Variants in CACNA1G observed in about 807,000 individuals in gnomAD.
CACNA1G encodes calcium voltage-gated channel subunit alpha1 G.
A neutral mutation model predicts 219.4 loss-of-function variants in CACNA1G; 67 were observed. That is an observed-to-expected ratio of 0.31 (90% CI 0.25 to 0.37). The LOEUF is 0.37. CACNA1G is among the 10% of genes least tolerant of loss of function. The probability of loss-of-function intolerance (pLI) is 1.00; values close to 1 mark genes in which losing one functional copy is unlikely to be tolerated. For missense variants in CACNA1G, 2,380 were observed against 3,231.4 expected, an observed-to-expected ratio of 0.74 and a Z score of 6.39; for synonymous variants, 1,296 against 1,345.3, an observed-to-expected ratio of 0.96 and a Z score of 0.80.
rs573258800 is a variant in CACNA1G, at chr17:50,621,177, C to T, written c.5926-483C>T. On this transcript the variant is annotated intron_variant, in intron 34 of 37. Transcript: ENST00000359106. The surrounding 1 kb of genome is among the most constrained non-coding windows in gnomAD (Gnocchi z 4.6). ...GCCGAGAGAATAGGCAGAAAACAGC[C>T]GTCAGATTGGTGGCATTGTCGCCGG... Among the ~76,000 whole-genome samples the T allele has an allele frequency of 5.0e-4, 76 of 152,158 alleles. No homozygotes were observed. Among genetic ancestry groups the T allele is most frequent in the Non-Finnish European group, 8.5e-4 (58 of 68,010 alleles).
rs1020785352 is a variant in CACNA1G, at chr17:50,596,496, G to T, written c.2980-66G>T. On this transcript the variant is annotated intron_variant, in intron 14 of 37. Transcript: ENST00000359106. The surrounding 1 kb of genome is among the most constrained non-coding windows in gnomAD (Gnocchi z 4.8). ...GGTGTGCGTGTGTGAAGAGAGGGAG[G>T]CCCGGTCCATCCCAACCACCCAAGC... 8 of 1,299,126 alleles carry T rather than the reference G, an allele frequency of 6.2e-6. No individual in the cohort carries two copies. The South Asian group carries it at 8.4e-5, about 14-fold the overall frequency. The allele number at this position is 1,299,126 out of a possible 1,614,324, so 80.5% of individuals were successfully genotyped here.
At chr17:50,615,332 T>G (rs748753829) in intron 26 of CACNA1G, 29 bp from the exon 27 acceptor site, 6 of 1,549,972 alleles carry the variant, frequency 3.9e-6, no homozygotes, top group Non-Finnish European at 5.3e-6. Context: ...GGCCTGACGC[T>G]TGCTCTGCTC....
intron 13 of CACNA1G, 146 bp from the exon 14 acceptor site, chr17:50,594,847 G>GC (rs368309587): frequency 4.0e-5 from 25 of 622,400 alleles, no homozygotes; most frequent in Admixed American, 1.2e-4. Flanking sequence ...TCCCCTCTCT[G>GC]CCCCCCCATT....
In CACNA1G at chr17:50,572,865, C is replaced by A; in HGVS notation, c.1047+11C>A. 1 of 1,609,262 alleles carries A rather than the reference C, an allele frequency of 6.2e-7. No individual in the cohort carries two copies. On this transcript the variant is annotated intron_variant, in intron 6 of 37. Transcript: ENST00000359106. ...ATCGCCATCTTCCAGGTGGGGCAGC[C>A]TGGGCCCCGGGAGCTTCCCCAGAAC...
In CACNA1G at chr17:50,618,011, C is replaced by G; in HGVS notation, c.5227-37C>G. ...GCTCAGAGAAGCTGACTGGGAGACCCAGCGGCATCGTTTCTATTTCTTCTC... is the reference window on the plus strand; with the variant it reads ...GCTCAGAGAAGCTGACTGGGAGACCGAGCGGCATCGTTTCTATTTCTTCTC... On this transcript the variant is annotated intron_variant, in intron 30 of 37. Coordinates refer to ENST00000359106, the MANE Select transcript of CACNA1G (RefSeq NM_018896.5). The surrounding 1 kb of genome is among the most constrained non-coding windows in gnomAD (Gnocchi z 5.3). 1 of 1,612,776 alleles carries G rather than the reference C, an allele frequency of 6.2e-7. No homozygotes were observed. The highest frequency in any genetic ancestry group is 8.5e-7 in the Non-Finnish European group (1 of 1,178,910).
chr17:50,572,564 G>A lies in CACNA1G; in HGVS notation c.757G>A (p.Val253Met), dbSNP rs753325385. Reference sequence around the variant, plus strand: ...CTTCCCATCCTGCAGCCCCCTGAGCGTGGACCTGGAGCGCTATTACCAGAC... The same window carrying A: ...CTTCCCATCCTGCAGCCCCCTGAGCATGGACCTGGAGCGCTATTACCAGAC... Reference protein sequence around the residue: ...LPENFSLPLSVDLERYYQTEN... With the variant: ...LPENFSLPLSMDLERYYQTEN... The change falls in exon 6 of 38, where the codon GTG becomes ATG. Residue 253 changes from valine to methionine, a missense_variant. By Grantham distance (21) the Val-to-Met change is conservative. Coordinates refer to ENST00000359106, the MANE Select transcript of CACNA1G (RefSeq NM_018896.5). 1.4e-5 allele frequency: 21 copies of A among 1,546,968 alleles called. No homozygotes were observed. The highest frequency in any genetic ancestry group is 1.9e-5 in the Admixed American group (1 of 53,076).
intron 35 of CACNA1G, 113 bp from the exon 36 acceptor site, chr17:50,623,794 C>T (rs1401698412): frequency 1.7e-5 from 19 of 1,129,984 alleles, no homozygotes; most frequent in African/African-American, 4.6e-5. Context: ...TGGGAGGGCA[C>T]GGGGGTGAGG....
chr17:50,615,404 G>T lies in CACNA1G; in HGVS notation c.4803G>T (p.Arg1601=). ...ACTACTCCGACTACTCCCGCTTCCGGCTCCTCGTCCACCACTTGTGCACCA... is the reference window on the plus strand; with the variant it reads ...ACTACTCCGACTACTCCCGCTTCCGTCTCCTCGTCCACCACTTGTGCACCA... The part of the protein sequence containing the change: ...KPYYSDYSRF[R]LLVHHLCTSH... Residue 1601 remains arginine (R), a synonymous_variant, in exon 27 of 38, where the codon CGG becomes CGT. Coordinates refer to ENST00000359106, the MANE Select transcript of CACNA1G (RefSeq NM_018896.5). 1 of 1,612,362 alleles carries T rather than the reference G, an allele frequency of 6.2e-7. No homozygotes were observed. The highest frequency in any genetic ancestry group is 8.5e-7 in the Non-Finnish European group (1 of 1,178,746).
chr17:50,606,761 C>T (rs1229626577), intron 23 of CACNA1G, 139 bp from the exon 24 acceptor site: 2 of 678,804 alleles, frequency 2.9e-6, no homozygotes, highest in African/African-American at 1.8e-5. Flanking sequence ...TCTCCTGGAG[C>T]CTGGAGTGTG....
chr17:50,569,883 T>G, intron 4 of CACNA1G, 80 bp downstream of exon 4: 1 of 1,094,388 alleles, frequency 9.1e-7, no homozygotes, highest in Non-Finnish European at 1.3e-6. Context: ...CCTCTACTAC[T>G]GTGTCCTCAC....
At chr17:50,570,871 G>C (rs936944325) in intron 4 of CACNA1G, among the ~76,000 whole-genome samples, 1 of 152,218 alleles carries the variant, frequency 6.6e-6, no homozygotes, top group South Asian at 2.1e-4. Context: ...TGGCAGGGGC[G>C]AGGCTGGGCG....
At position 50,578,534 on chromosome 17, in the gene CACNA1G, A is replaced by G; in HGVS notation, c.2271A>G (p.Thr757=). The change falls in exon 9 of 38, where the codon ACA becomes ACG. Residue 757 remains threonine, a synonymous_variant. Coordinates refer to ENST00000359106, the MANE Select transcript of CACNA1G (RefSeq NM_018896.5). The surrounding 1 kb of genome is among the most constrained non-coding windows in gnomAD (Gnocchi z 4.5). ...RGIMIAILVN[T]LSMGIEYHEQ... is the part of the protein sequence containing the mutation. ...TCATGATCGCCATCCTGGTCAACAC[A>G]CTCAGCATGGGCATCGAATACCACG... 1.3e-6 allele frequency: 2 copies of G among 1,570,012 alleles called. No individual in the cohort carries two copies. The highest frequency in any genetic ancestry group is 1.2e-5 in the South Asian group (1 of 83,938).
At chr17:50,606,848 T>C in intron 23 of CACNA1G, 52 bp from the exon 24 acceptor site, 3 of 1,371,270 alleles carry the variant, frequency 2.2e-6, no homozygotes, top group African/African-American at 1.4e-5. Flanking sequence ...TGATAGGTGA[T>C]TCAGCCACAC....
In CACNA1G at chr17:50,596,030, G is replaced by A. The variant is rs1001550160; in HGVS notation, c.2980-532G>A. On this transcript the variant is annotated intron_variant, in intron 14 of 37. Transcript: ENST00000359106. The surrounding 1 kb of genome is among the most constrained non-coding windows in gnomAD (Gnocchi z 4.8). ...GGCCAGGGAGGGGGCCGGGACTTGG[G>A]GAAGATGAAGGGAAGACACCGAGGG... Among the ~76,000 whole-genome samples, 1 of 152,198 alleles carries A rather than the reference G, an allele frequency of 6.6e-6. No individual in the cohort carries two copies. Among genetic ancestry groups the A allele is most frequent in the African/African-American group, 2.4e-5 (1 of 41,430 alleles).
chr17:50,560,746 C>G lies in CACNA1G; in HGVS notation c.-714C>G, dbSNP rs916524514. 3.3e-5 allele frequency among the ~76,000 whole-genome samples: 5 copies of G among 152,162 alleles called. No individual in the cohort carries two copies. The highest frequency in any genetic ancestry group is 1.2e-4 in the African/African-American group (5 of 41,462). On this transcript the variant is annotated 5_prime_UTR_variant, in exon 1 of 38. Coordinates refer to ENST00000359106, the MANE Select transcript of CACNA1G (RefSeq NM_018896.5). ...GGGGCTCCTCGCCGCCGCTTTCGCTCGCTCGCTCCGCGTCTCGGCCGGAGG... is the reference window on the plus strand; with the variant it reads ...GGGGCTCCTCGCCGCCGCTTTCGCTGGCTCGCTCCGCGTCTCGGCCGGAGG...
In CACNA1G at chr17:50,578,434, C is replaced by G. The variant is rs2041193463; in HGVS notation, c.2171C>G (p.Ser724Cys). Residue 724 changes from serine (S) to cysteine (C), a missense_variant, in exon 9 of 38, where the codon TCT becomes TGT. Coordinates refer to ENST00000359106, the MANE Select transcript of CACNA1G (RefSeq NM_018896.5). This position sits in a 1 kb window ranked among gnomAD's most constrained non-coding sequence, Gnocchi z 4.5. ...RSLGPDAEPSSVLAFWRLICD... is the reference protein window; with the variant it reads ...RSLGPDAEPSCVLAFWRLICD... ...CTGGGCCCAGATGCAGAGCCCAGCT[C>G]TGTGCTGGCCTTCTGGAGGCTAATC... 6.2e-7 allele frequency: 1 copy of G among 1,606,562 alleles called. No individual in the cohort carries two copies. The highest frequency in any genetic ancestry group is 8.5e-7 in the Non-Finnish European group (1 of 1,175,860).
chr17:50,591,421 T>C lies in CACNA1G; in HGVS notation c.2454-14T>C. 6.5e-7 allele frequency: 1 copy of C among 1,534,926 alleles called. No homozygotes were observed. The highest frequency in any genetic ancestry group is 8.8e-7 in the Non-Finnish European group (1 of 1,141,968). On this transcript the variant is annotated splice_polypyrimidine_tract_variant and intron_variant, in intron 10 of 37. Transcript: ENST00000359106. The stretch of plus-strand genomic sequence containing the variant: ...GAAGGTGCAGGGGGCTCAGGCTGCC[T>C]GCCCCCTTTGCAGCGTGTGGGAGAT...
intron 16 of CACNA1G, among the ~76,000 whole-genome samples, chr17:50,598,519 G>A (rs1380995127): frequency 1.3e-5 from 2 of 152,202 alleles, no homozygotes; most frequent in African/African-American, 4.8e-5. Flanking sequence ...GGTTTTTGAG[G>A]AACCTGCATA....
At position 50,596,865 on chromosome 17, in the gene CACNA1G, G is replaced by A. The variant is rs369751310; in HGVS notation, c.3200G>A (p.Arg1067His). 15 of 1,594,296 alleles carry A rather than the reference G, an allele frequency of 9.4e-6. No homozygotes were observed. The highest frequency in any genetic ancestry group is 5.6e-5 in the South Asian group (5 of 88,812). Residue 1067 changes from arginine (R) to histidine (H), a missense_variant, in exon 16 of 38, where the codon CGC becomes CAC. Around this residue, in one of 17 missense-constraint regions of CACNA1G, gnomAD observed 418 missense variants for 434.3 expected, o/e 0.96. Coordinates refer to ENST00000359106, the MANE Select transcript of CACNA1G (RefSeq NM_018896.5). This position sits in a 1 kb window ranked among gnomAD's most constrained non-coding sequence, Gnocchi z 4.8. The part of the protein sequence containing the change: ...GLGEALGPAS[R>H]RTSSSGSAEP... ...GGCGAGGCGCTGGGCCCTGCGTCGCGCCGCACCAGCAGCAGCGGGTCGGCA... is the reference window on the plus strand; with the variant it reads ...GGCGAGGCGCTGGGCCCTGCGTCGCACCGCACCAGCAGCAGCGGGTCGGCA...
Sources: allele counts gnomAD v4.1 joint callset (sites outside exome capture counted in the v4.1 genomes callset), GRCh38; gene constraint gnomAD v4.1.1; regional missense constraint gnomAD v4.1.1; non-coding constraint Gnocchi (gnomAD v3.1); transcripts MANE v1.5; gene names NCBI Gene and HGNC (gene_info 2026-07-23, HGNC 2026-07-21).